Variants in GSK3B observed in about 807,000 individuals in gnomAD.
GSK3B encodes the protein glycogen synthase kinase-3 beta.
In GSK3B, 15 loss-of-function variants were observed where a neutral mutation model predicts 56.4. That is an observed-to-expected ratio of 0.27 (90% CI 0.18 to 0.41). GSK3B has a LOEUF of 0.41. GSK3B is among the 10% of genes least tolerant of loss of function. The probability of loss-of-function intolerance (pLI) is 1.00; values close to 1 mark genes in which losing one functional copy is unlikely to be tolerated. For synonymous variants in GSK3B, 181 were observed against 188.9 expected, an observed-to-expected ratio of 0.96 and a Z score of 0.34; for missense variants, 300 against 513.4, an observed-to-expected ratio of 0.58 and a Z score of 4.02.
At chr3:119,862,195 T>TA (rs2056113616) in intron 9 of GSK3B, among the ~76,000 whole-genome samples, 1 of 147,778 alleles carries the variant, frequency 6.8e-6, no homozygotes, top group African/African-American at 2.5e-5. Flanking sequence ...TATGCAGCCA[T>TA]AAAAAATGAT....
At chr3:119,891,733 T>G (rs146033557) in intron 7 of GSK3B, among the ~76,000 whole-genome samples, 82 of 152,250 alleles carry the variant, frequency 5.4e-4, no homozygotes, top group African/African-American at 1.8e-3. Context: ...GGAAATGCTT[T>G]ATGCACTCTT....
intron 1 of GSK3B, among the ~76,000 whole-genome samples, chr3:120,038,248 G>A (rs1576288855): frequency 1.3e-5 from 2 of 152,114 alleles, no homozygotes; most frequent in South Asian, 2.1e-4. Context: ...TTCAATTTTA[G>A]TTATCATAAT....
chr3:119,929,659 T>C (rs1269204871), intron 3 of GSK3B, among the ~76,000 whole-genome samples: 1 of 152,004 alleles, frequency 6.6e-6, no homozygotes, highest in Non-Finnish European at 1.5e-5. Context: ...TCCCAGCACT[T>C]TGGCAGGCCG....
intron 10 of GSK3B, among the ~76,000 whole-genome samples, chr3:119,830,578 G>A (rs553835450): frequency 2.8e-4 from 43 of 152,070 alleles, no homozygotes; most frequent in Non-Finnish European, 5.0e-4. Context: ...GACGCTAAAT[G>A]GCATTATGGT....
intron 2 of GSK3B, among the ~76,000 whole-genome samples, chr3:119,960,151 C>CAAAAAAAAAAAA (rs574956694): frequency 6.7e-5 from 5 of 74,614 alleles, no homozygotes; most frequent in East Asian, 4.7e-4. Flanking sequence ...TATGCTGAGA[C>CAAAAAAAAAAAA]AAAAAAAAAA....
intron 7 of GSK3B, among the ~76,000 whole-genome samples, chr3:119,903,167 C>T (rs4340737): frequency 0.24 from 36,758 of 152,064 alleles, 4,890 homozygotes; most frequent in East Asian, 0.48. Context: ...TGTGTGGTAA[C>T]TTCCAGTCAA....
At chr3:119,832,437 T>A (rs770138616) in intron 10 of GSK3B, among the ~76,000 whole-genome samples, 1 of 152,264 alleles carries the variant, frequency 6.6e-6, no homozygotes, top group East Asian at 1.9e-4. Context: ...AGATAATGTT[T>A]ACTCTTGTTT....
intron 1 of GSK3B, among the ~76,000 whole-genome samples, chr3:120,035,272 G>A: frequency 6.6e-6 from 1 of 152,142 alleles, no homozygotes; most frequent in Admixed American, 6.5e-5. Context: ...AAATGTCAGG[G>A]ATTGCTAGCA....
intron 2 of GSK3B, among the ~76,000 whole-genome samples, chr3:119,988,192 CAG>C (rs2057534018): frequency 2.0e-5 from 3 of 152,202 alleles, no homozygotes; most frequent in African/African-American, 7.2e-5. Context: ...TTGAGCATGA[CAG>C]GAATTAATTC....
chr3:119,842,895 G>C (rs2055796017), intron 10 of GSK3B, among the ~76,000 whole-genome samples: 1 of 152,048 alleles, frequency 6.6e-6, no homozygotes, highest in African/African-American at 2.4e-5. Context: ...GAAATGAAAG[G>C]TAATCATATC....
At chr3:119,919,624 T>TA (rs1446849099) in intron 4 of GSK3B, among the ~76,000 whole-genome samples, 1 of 151,924 alleles carries the variant, frequency 6.6e-6, no homozygotes, top group East Asian at 1.9e-4. Flanking sequence ...CTTCAGTATG[T>TA]ACAATAATTT....
chr3:120,086,773 C>T (rs1362612031), intron 1 of GSK3B, among the ~76,000 whole-genome samples: 1 of 150,958 alleles, frequency 6.6e-6, no homozygotes, highest in Non-Finnish European at 1.5e-5. Flanking sequence ...CCAGGCTAGG[C>T]ATAGGCAACA....
chr3:119,983,358 T>A (rs1032023972), intron 2 of GSK3B, among the ~76,000 whole-genome samples: 3 of 152,082 alleles, frequency 2.0e-5, no homozygotes, highest in African/African-American at 7.2e-5. Flanking sequence ...TATAGCAATA[T>A]TAACCTTAAA....
At chr3:119,912,368 T>C (rs2056742623) in intron 6 of GSK3B, among the ~76,000 whole-genome samples, 1 of 152,096 alleles carries the variant, frequency 6.6e-6, no homozygotes, top group African/African-American at 2.4e-5. Flanking sequence ...ATGAGAATGT[T>C]TGAAATGTTG....
intron 1 of GSK3B, among the ~76,000 whole-genome samples, chr3:120,080,462 GA>G (rs1314454566): frequency 6.6e-6 from 1 of 151,990 alleles, no homozygotes; most frequent in African/African-American, 2.4e-5. Flanking sequence ...CCCTCTCTGG[GA>G]AAGCTCTAGA....
chr3:120,009,904 T>C (rs1482519385), intron 1 of GSK3B, among the ~76,000 whole-genome samples: 6 of 152,110 alleles, frequency 3.9e-5, no homozygotes, highest in Admixed American at 6.5e-5. Flanking sequence ...CTTCATAAGA[T>C]AGCCAGGTGA....
chr3:120,040,123 G>T (rs2058053216), intron 1 of GSK3B, among the ~76,000 whole-genome samples: 1 of 152,232 alleles, frequency 6.6e-6, no homozygotes, highest in South Asian at 2.1e-4. Context: ...AAAGTCAGAA[G>T]GTCGCAGGGG....
At chr3:119,997,688 A>G (rs560837651) in intron 2 of GSK3B, among the ~76,000 whole-genome samples, 1 of 152,308 alleles carries the variant, frequency 6.6e-6, no homozygotes, top group Non-Finnish European at 1.5e-5. Context: ...AACAAGGAAC[A>G]CTCAAAATAT....
intron 1 of GSK3B, among the ~76,000 whole-genome samples, chr3:120,045,520 C>G (rs76243722): frequency 0.018 from 2,694 of 152,208 alleles, 43 homozygotes; most frequent in Non-Finnish European, 0.026. Flanking sequence ...AAAAAATTCA[C>G]AAGTAGCCAA....
Sources: gnomAD v4.1 joint callset for allele counts (sites outside exome capture counted in the v4.1 genomes callset) on GRCh38, gnomAD v4.1.1 for gene constraint, MANE v1.5 for transcripts, NCBI Gene and HGNC (gene_info 2026-07-23, HGNC 2026-07-21) for gene names.